TMEM135: variants seen among roughly 807,000 people sequenced by gnomAD.
TMEM135 encodes the protein transmembrane protein 135, also known as peroxisomal membrane protein 52.
TMEM135 carries 30 observed loss-of-function variants against 60.3 expected under a neutral mutation model. That is an observed-to-expected ratio of 0.50 (90% confidence interval 0.37 to 0.68). The LOEUF (loss-of-function observed/expected upper bound fraction) is 0.68, where lower values mean the gene tolerates loss of function less well. Ranked by LOEUF, TMEM135 falls within the 30% of genes least tolerant of loss-of-function variation. TMEM135 has a pLI of 0.00. For missense variants in TMEM135, 468 were observed against 548.8 expected, an observed-to-expected ratio of 0.85 and a Z score of 1.47; for synonymous variants, 190 against 186.7, an observed-to-expected ratio of 1.02 and a Z score of -0.14.
In TMEM135 at chr11:87,302,282, G is replaced by A; in HGVS notation, c.552-14G>A. 6.2e-7 allele frequency: 1 copy of A among 1,611,562 alleles called. No individual in the cohort carries two copies. The highest frequency in any genetic ancestry group is 8.5e-7 in the Non-Finnish European group (1 of 1,179,096). ...TTAAGTGAAAAATGCCTCACATTGT[G>A]CTCTTTTCTTTAGGTTCATTGTAGG... is the stretch of plus-strand genomic sequence containing the variant. On this transcript the variant is annotated splice_polypyrimidine_tract_variant and intron_variant, in intron 7 of 14. Coordinates refer to ENST00000305494, the MANE Select transcript of TMEM135 (RefSeq NM_022918.4).
intron 5 of TMEM135, among the ~76,000 whole-genome samples, chr11:87,174,435 G>A (rs1275932541): frequency 6.6e-6 from 1 of 152,014 alleles, no homozygotes; most frequent in African/African-American, 2.4e-5. Flanking sequence ...TCTGTTGTTG[G>A]TTTTCAAAGT....
chr11:87,218,518 T>A (rs535663513), intron 5 of TMEM135, among the ~76,000 whole-genome samples: 30 of 152,312 alleles, frequency 2.0e-4, no homozygotes, highest in African/African-American at 5.8e-4. Context: ...GTTACCTAGA[T>A]AATCTGAAAA....
chr11:87,053,514 G>A (rs1949861948), intron 1 of TMEM135, among the ~76,000 whole-genome samples: 1 of 152,082 alleles, frequency 6.6e-6, no homozygotes, highest in African/African-American at 2.4e-5. Flanking sequence ...AATTAGGGAA[G>A]GGGAGTTGAA....
rs1010068748 is a variant in TMEM135, at chr11:87,155,248, C to T, written c.397-2093C>T. On this transcript the variant is annotated intron_variant, in intron 4 of 14. Coordinates refer to ENST00000305494, the MANE Select transcript of TMEM135 (RefSeq NM_022918.4). Reference sequence around the variant, plus strand: ...TCCTGAACTCAGGTTATCCACCCGCCTCGGCCTCTCAAACTGTTGGGATTA... The same window carrying T: ...TCCTGAACTCAGGTTATCCACCCGCTTCGGCCTCTCAAACTGTTGGGATTA... Among the ~76,000 whole-genome samples the T allele has an allele frequency of 4.6e-5, 7 of 152,350 alleles. No homozygotes were observed. In the East Asian group the frequency reaches 5.8e-4, roughly 13 times the overall value.
rs918436905 is a variant in TMEM135, at chr11:87,321,537, C to T, written c.*204C>T. ...TTAATAATTAAGCTTCCTCCATAGCCAGAATAAGATTCTGGATCACTGTAG... is the reference window on the plus strand; with the variant it reads ...TTAATAATTAAGCTTCCTCCATAGCTAGAATAAGATTCTGGATCACTGTAG... On this transcript the variant is annotated 3_prime_UTR_variant, in exon 15 of 15. Coordinates refer to ENST00000305494, the MANE Select transcript of TMEM135 (RefSeq NM_022918.4). The T allele has an allele frequency of 8.7e-6, 6 of 687,864 alleles. No homozygotes were observed. The highest frequency in any genetic ancestry group is 7.5e-5 in the South Asian group (5 of 66,676). The allele number at this position is 687,864 out of a possible 1,614,324, so 42.6% of individuals were successfully genotyped here. A position where few individuals can be genotyped will look rare whatever the true frequency, so the allele number is the denominator to read the frequency against.
chr11:87,140,861 T>G (rs1938242128), intron 4 of TMEM135, among the ~76,000 whole-genome samples: 1 of 152,188 alleles, frequency 6.6e-6, no homozygotes, highest in African/African-American at 2.4e-5. Flanking sequence ...TTCCGTTGTT[T>G]CACCTCTGTT....
At chr11:87,122,463 ATTATTTAT>A (rs1565450514) in intron 4 of TMEM135, among the ~76,000 whole-genome samples, 1 of 74,766 alleles carries the variant, frequency 1.3e-5, no homozygotes, top group South Asian at 3.1e-4. Flanking sequence ...TTATTTATTT[ATTATTTAT>A]TTTTTTTGAG....
intron 12 of TMEM135, among the ~76,000 whole-genome samples, chr11:87,315,512 A>G (rs1009369868): frequency 6.6e-6 from 1 of 151,952 alleles, no homozygotes; most frequent in African/African-American, 2.4e-5. Flanking sequence ...TAGAGCCAAC[A>G]TAAGGTTCCC....
Position 87,101,108 on chromosome 11 carries a change from AATTAGTT to A in TMEM135, c.396+9718_396+9724del, listed in dbSNP as rs532548084. On this transcript the variant is annotated intron_variant, in intron 4 of 14. Transcript: ENST00000305494. ...TTCTAGATTTTAAATGTTGATAGTGAATTAGTTATTAAAGGTCAAAATGAATGAAATG... is the reference window on the plus strand; with the variant it reads ...TTCTAGATTTTAAATGTTGATAGTGAATTAAAGGTCAAAATGAATGAAATG... 1.7e-3 allele frequency among the ~76,000 whole-genome samples: 265 copies of A among 152,312 alleles called. 3 individuals carry two copies. Among genetic ancestry groups the A allele is most frequent in the African/African-American group, 6.0e-3 (249 of 41,570 alleles).
intron 2 of TMEM135, among the ~76,000 whole-genome samples, chr11:87,068,199 A>C (rs1413789926): frequency 2.0e-5 from 3 of 152,238 alleles, no homozygotes; most frequent in Non-Finnish European, 4.4e-5. Flanking sequence ...AAACTTCAAA[A>C]GGACTATAAC....
At position 87,245,407 on chromosome 11, in the gene TMEM135, G is replaced by T. The variant is rs1242308738; in HGVS notation, c.509+8723G>T. Among the ~76,000 whole-genome samples the T allele has an allele frequency of 2.1e-5, 2 of 95,092 alleles. 1 individual carries two copies. The highest frequency in any genetic ancestry group is 4.8e-5 in the Non-Finnish European group (2 of 41,654). The allele number at this position is 95,092 out of a possible 152,430, so 62.4% of individuals were successfully genotyped here. ...CTGAGTTCAATTGCTAGGTATCCTT[G>T]TTAACTTTCTGACTCGCTGATCTGT... On this transcript the variant is annotated intron_variant, in intron 6 of 14. Transcript: ENST00000305494.
Position 87,067,721 on chromosome 11 carries a change from T to A in TMEM135, c.169T>A (p.Leu57Ile). ...TGCAGCAATTCTCCGGAAACGGAAA[T>A]TAGACTATTATTTACACAAACTACT... ...LIAAILRKRK[L>I]DYYLHKLLPE... The change falls in exon 2 of 15, where the codon TTA becomes ATA. Residue 57 changes from leucine (L) to isoleucine (I), a missense_variant. Coordinates refer to ENST00000305494, the MANE Select transcript of TMEM135 (RefSeq NM_022918.4). The A allele has an allele frequency of 6.2e-7, 1 of 1,613,914 alleles. No homozygotes were observed. The highest frequency in any genetic ancestry group is 2.2e-5 in the East Asian group (1 of 44,816).
chr11:87,120,746 G>C (rs1161650053), intron 4 of TMEM135, among the ~76,000 whole-genome samples: 1 of 151,790 alleles, frequency 6.6e-6, no homozygotes, highest in East Asian at 1.9e-4. Context: ...GATTACAAAC[G>C]GGAATTTCAT....
At chr11:87,304,829 C>G (rs566114975) in intron 8 of TMEM135, among the ~76,000 whole-genome samples, 1 of 152,310 alleles carries the variant, frequency 6.6e-6, no homozygotes, top group African/African-American at 2.4e-5. Flanking sequence ...GTTATAAAGA[C>G]CGCTTATTTT....
At chr11:87,289,050 A>G (rs1190165256) in intron 6 of TMEM135, among the ~76,000 whole-genome samples, 2 of 152,232 alleles carry the variant, frequency 1.3e-5, no homozygotes, top group African/African-American at 2.4e-5. Flanking sequence ...AAATTGACAC[A>G]TTAACTTTAT....
intron 4 of TMEM135, among the ~76,000 whole-genome samples, chr11:87,120,363 C>T (rs933473325): frequency 1.3e-5 from 2 of 151,284 alleles, no homozygotes; most frequent in Non-Finnish European, 2.9e-5. Context: ...ACTTTGGCCT[C>T]TCAAAACTCT....
At chr11:87,214,813 A>G (rs1940461317) in intron 5 of TMEM135, among the ~76,000 whole-genome samples, 1 of 152,176 alleles carries the variant, frequency 6.6e-6, no homozygotes, top group Non-Finnish European at 1.5e-5. Context: ...TTCTTAATAA[A>G]GTATAGAGTT....
At chr11:87,254,590 C>T (rs1941484517) in intron 6 of TMEM135, among the ~76,000 whole-genome samples, 1 of 152,138 alleles carries the variant, frequency 6.6e-6, no homozygotes, top group Non-Finnish European at 1.5e-5. Context: ...AGTTATTCAA[C>T]CTATAAATGA....
Position 87,061,002 on chromosome 11 carries a change from A to G in TMEM135, c.142-6692A>G, listed in dbSNP as rs371627273. ...AATCATGCCCATTAAAATCATGCCCAATAAAATGAGGAGATTGAAATCTAA... is the reference window on the plus strand; with the variant it reads ...AATCATGCCCATTAAAATCATGCCCGATAAAATGAGGAGATTGAAATCTAA... On this transcript the variant is annotated intron_variant, in intron 1 of 14. Transcript: ENST00000305494. 1.4e-4 allele frequency among the ~76,000 whole-genome samples: 22 copies of G among 152,242 alleles called. 1 individual carries two copies. Among genetic ancestry groups the G allele is most frequent in the South Asian group, 8.3e-4 (4 of 4,822 alleles).
Sources: allele counts gnomAD v4.1 joint callset (sites outside exome capture counted in the v4.1 genomes callset), GRCh38; gene constraint gnomAD v4.1.1; transcripts MANE v1.5; gene names NCBI Gene and HGNC (gene_info 2026-07-23, HGNC 2026-07-21).